The following TTC9 variants were observed in gnomAD, a reference collection of about 807,000 sequenced individuals.
TTC9 encodes the protein tetratricopeptide repeat protein 9A.
TTC9 carries 13 observed loss-of-function variants against 22.9 expected under a neutral mutation model. The ratio of observed to expected loss-of-function variants is 0.57; its 90% confidence interval spans 0.37 to 0.90. TTC9 has a LOEUF of 0.90. TTC9 is among the 40% of genes least tolerant of loss of function. TTC9 has a pLI of 0.01. For synonymous variants in TTC9, 148 were observed against 133.2 expected (o/e 1.11, Z -0.77); for missense variants, 280 against 291.8 (o/e 0.96, Z 0.29).
chr14:70,669,532 C>T (rs1027162333), intron 2 of TTC9, among the ~76,000 whole-genome samples: 5 of 150,730 alleles, frequency 3.3e-5, no homozygotes, highest in Non-Finnish European at 5.9e-5. Context: ...CCTTCTGCCT[C>T]GGCCTCCTAA....
intron 1 of TTC9, among the ~76,000 whole-genome samples, chr14:70,660,379 A>T (rs1311447547): frequency 1.3e-5 from 2 of 152,222 alleles, no homozygotes; most frequent in Non-Finnish European, 2.9e-5. Context: ...AGCTTTGTTT[A>T]TGTACCACAT....
At chr14:70,664,811 T>C (rs1886191635) in intron 1 of TTC9, among the ~76,000 whole-genome samples, 1 of 151,528 alleles carries the variant, frequency 6.6e-6, no homozygotes, top group South Asian at 2.1e-4. Context: ...TTTCTCCATC[T>C]TTCTGGGCCC....
chr14:70,671,134 G>A lies in TTC9; in HGVS notation c.648G>A (p.Gln216=). Reference sequence around the variant, plus strand: ...AGATGAAACTCAGCCGATGCTCCCAGAGAGAAAAAGAAGCCATGTAACCAG... The same window carrying A: ...AGATGAAACTCAGCCGATGCTCCCAAAGAGAAAAAGAAGCCATGTAACCAG... The part of the protein sequence containing the change: ...LTEMKLSRCS[Q]REKEAM Residue 216 remains glutamine, a synonymous_variant, in exon 3 of 3, where the codon CAG becomes CAA. Transcript: ENST00000256367. 6.2e-7 allele frequency: 1 copy of A among 1,613,686 alleles called. No individual in the cohort carries two copies.
chr14:70,668,202 C>G (rs541118902), intron 2 of TTC9, among the ~76,000 whole-genome samples: 1 of 152,186 alleles, frequency 6.6e-6, no homozygotes, highest in African/African-American at 2.4e-5. Flanking sequence ...TCTGACTTCT[C>G]CAGTCAGATG....
chr14:70,668,288 A>G (rs1352821782), intron 2 of TTC9, among the ~76,000 whole-genome samples: 1 of 152,232 alleles, frequency 6.6e-6, no homozygotes, highest in African/African-American at 2.4e-5. Flanking sequence ...TTCATTCCAC[A>G]GATATTTATT....
chr14:70,661,273 T>C (rs1205240), intron 1 of TTC9, among the ~76,000 whole-genome samples: 2 of 151,962 alleles, frequency 1.3e-5, no homozygotes, highest in Non-Finnish European at 2.9e-5. Context: ...CCATTCTAAC[T>C]ATTTCATTTT....
In TTC9 at chr14:70,671,098, C is replaced by T. The variant is rs373335375; in HGVS notation, c.612C>T (p.Ile204=). 37 of 1,613,666 alleles carry T rather than the reference C, an allele frequency of 2.3e-5. No individual in the cohort carries two copies. The African/African-American group carries it at 3.1e-4, about 13-fold the overall frequency. The change falls in exon 3 of 3, where the codon ATC becomes ATT. Residue 204 remains isoleucine, a synonymous_variant. Coordinates refer to ENST00000256367, the MANE Select transcript of TTC9 (RefSeq NM_015351.2). ...CAGACACCAACGTGATTCGGTATAT[C>T]CAGCTGACGGAGATGAAACTCAGCC... ...QPTDTNVIRY[I]QLTEMKLSRC...
intron 1 of TTC9, among the ~76,000 whole-genome samples, chr14:70,647,499 A>G (rs79539813): frequency 0.014 from 2,062 of 152,288 alleles, 41 homozygotes; most frequent in African/African-American, 0.047. Context: ...GTTTCTGAGA[A>G]CATTTTTTTT....
At chr14:70,656,744 G>A (rs746219066) in intron 1 of TTC9, among the ~76,000 whole-genome samples, 31 of 152,286 alleles carry the variant, frequency 2.0e-4, no homozygotes, top group South Asian at 1.0e-3. Context: ...GATAATATGG[G>A]GCGATGGGTT....
rs1886321007 is a variant in TTC9 at position 70,673,230 on chromosome 14, G to A, written c.*2075G>A. ...AATTAAGACCGAAAGGAAACACAAA[G>A]TTAAATATGGGTTAATTATGTAAGC... On this transcript the variant is annotated 3_prime_UTR_variant, in exon 3 of 3. Transcript: ENST00000256367. 6.6e-6 allele frequency: 1 copy of A among 152,196 alleles called. No homozygotes were observed. The highest frequency in any genetic ancestry group is 2.1e-4 in the South Asian group (1 of 4,828). 9.4% of individuals were successfully genotyped at this position (152,196 alleles called of 1,614,324 possible).
chr14:70,660,617 A>G (rs1350078932), intron 1 of TTC9, among the ~76,000 whole-genome samples: 2 of 152,194 alleles, frequency 1.3e-5, no homozygotes, highest in Admixed American at 6.5e-5. Context: ...GGGTGATCAT[A>G]TAACTCGCCC....
At chr14:70,653,325 G>A (rs1057380994) in intron 1 of TTC9, among the ~76,000 whole-genome samples, 1 of 152,196 alleles carries the variant, frequency 6.6e-6, no homozygotes, top group African/African-American at 2.4e-5. Flanking sequence ...AAAAAGGTGA[G>A]GACAAAACAG....
At chr14:70,670,275 G>A (rs1167624862) in intron 2 of TTC9, among the ~76,000 whole-genome samples, 1 of 152,210 alleles carries the variant, frequency 6.6e-6, no homozygotes, top group Non-Finnish European at 1.5e-5. Context: ...ACAGTGAGGA[G>A]AAGGATACAT....
chr14:70,667,786 C>T (rs375497800), intron 2 of TTC9, 40 bp downstream of exon 2: 8 of 1,541,566 alleles, frequency 5.2e-6, no homozygotes, highest in Non-Finnish European at 7.0e-6. Context: ...CCTCCCTGCT[C>T]TGGTGGCTCC....
chr14:70,666,979 A>G (rs1429360019), intron 1 of TTC9, among the ~76,000 whole-genome samples: 1 of 152,210 alleles, frequency 6.6e-6, no homozygotes, highest in Non-Finnish European at 1.5e-5. Context: ...ATGATCTCAC[A>G]GTTCCAGGGG....
At chr14:70,666,704 C>G (rs1435273360) in intron 1 of TTC9, among the ~76,000 whole-genome samples, 1 of 152,194 alleles carries the variant, frequency 6.6e-6, no homozygotes, top group Non-Finnish European at 1.5e-5. Flanking sequence ...ATTTCTTCAG[C>G]TCTCTGGGCC....
Position 70,673,823 on chromosome 14 carries a change from G to A in TTC9, c.*2668G>A, listed in dbSNP as rs1886331269. The A allele has an allele frequency of 6.6e-6, 1 of 152,124 alleles. No individual in the cohort carries two copies. Among genetic ancestry groups the A allele is most frequent in the Non-Finnish European group, 1.5e-5 (1 of 68,030 alleles). The allele number at this position is 152,124 out of a possible 1,614,324, so 9.4% of individuals were successfully genotyped here. On this transcript the variant is annotated 3_prime_UTR_variant, in exon 3 of 3. Transcript: ENST00000256367. The stretch of plus-strand genomic sequence containing the variant: ...GGGCTGGACAATCCAGGATATGATT[G>A]TAGCCATCCCATGTAGAAAGATCAA...
chr14:70,661,959 G>C (rs530656326), intron 1 of TTC9, among the ~76,000 whole-genome samples: 1 of 152,262 alleles, frequency 6.6e-6, no homozygotes, highest in South Asian at 2.1e-4. Context: ...GGCCACCTCT[G>C]CTATCACCCT....
rs1246205940 is a variant in TTC9 at position 70,642,087 on chromosome 14, CG to C, written c.-40del. 1 of 1,042,892 alleles carries C rather than the reference CG, an allele frequency of 9.6e-7. No individual in the cohort carries two copies. Among genetic ancestry groups the C allele is most frequent in the African/African-American group, 1.7e-5 (1 of 57,820 alleles). The allele number at this position is 1,042,892 out of a possible 1,614,324, so 64.6% of individuals were successfully genotyped here. A position where few individuals can be genotyped will look rare whatever the true frequency, so the allele number is the denominator to read the frequency against. On this transcript the variant is annotated 5_prime_UTR_variant, in exon 1 of 3. Transcript: ENST00000256367. ...GAAGGCGCGGCGGCGGCGGCGGCGG[CG>C]GGCAGATCGCGGCGCGCACCAGGCG...
Sources: allele counts gnomAD v4.1 joint callset (sites outside exome capture counted in the v4.1 genomes callset), GRCh38; gene constraint gnomAD v4.1.1; transcripts MANE v1.5; gene names NCBI Gene and HGNC (gene_info 2026-07-23, HGNC 2026-07-21).